RBFOX1: variants seen among roughly 807,000 people sequenced by gnomAD.
The protein encoded by RBFOX1 is RNA binding protein fox-1 homolog 1.
A neutral mutation model predicts 57.7 loss-of-function variants in RBFOX1; 8 were observed. The ratio of observed to expected loss-of-function variants is 0.14; its 90% CI spans 0.08 to 0.25. RBFOX1 has a LOEUF of 0.25. Ranked by LOEUF, RBFOX1 falls within the 10% of genes least tolerant of loss-of-function variation. The pLI, the probability that RBFOX1 is intolerant of heterozygous loss-of-function variation, is 1.00. For missense variants in RBFOX1, 611 were observed against 548.5 expected, an observed-to-expected ratio of 1.11 and a Z score of -1.14; for synonymous variants, 326 against 222.4, an observed-to-expected ratio of 1.47 and a Z score of -4.15.
chr16:7,530,899 C>A (rs78068000), intron 5 of RBFOX1, among the ~76,000 whole-genome samples: 9,205 of 152,142 alleles, frequency 0.061, 485 homozygotes, highest in East Asian at 0.22. Context: ...TCATCACCAC[C>A]CAGAAAATAA....
chr16:6,596,905 A>G (rs879621932), intron 2 of RBFOX1, among the ~76,000 whole-genome samples: 5 of 152,188 alleles, frequency 3.3e-5, no homozygotes, highest in Admixed American at 3.3e-4. Flanking sequence ...CACACCCTTG[A>G]TACATTCATA....
chr16:7,230,509 C>T (rs1463646198), intron 4 of RBFOX1, among the ~76,000 whole-genome samples: 1 of 152,128 alleles, frequency 6.6e-6, no homozygotes. Flanking sequence ...ACCCATCAGG[C>T]ATGATGAAGC....
intron 2 of RBFOX1, among the ~76,000 whole-genome samples, chr16:6,418,703 A>G (rs957103275): frequency 6.6e-6 from 1 of 151,530 alleles, no homozygotes; most frequent in Non-Finnish European, 1.5e-5. Context: ...AAGAAGTAAA[A>G]TTTTTATAGA....
chr16:7,227,957 C>T (rs558962531), intron 4 of RBFOX1, among the ~76,000 whole-genome samples: 1 of 152,306 alleles, frequency 6.6e-6, no homozygotes, highest in Admixed American at 6.5e-5. Flanking sequence ...GTGAGGAGGC[C>T]ACCCTGTGCT....
rs529602708 is a variant in RBFOX1 at position 5,455,464 on chromosome 16, G to T, written c.220-11752G>T. 6.6e-5 allele frequency among the ~76,000 whole-genome samples: 10 copies of T among 152,160 alleles called. No homozygotes were observed. In the South Asian group the frequency reaches 2.1e-3, roughly 32 times the overall value. ...TATCACTCCACCTCTTGATAGGAGG[G>T]GTATCAAATCATTTAGGGTCTTGTT... On this transcript the variant is annotated intron_variant, in intron 1 of 2. Coordinates refer to the RBFOX1 transcript ENST00000585867.
intron 4 of RBFOX1, among the ~76,000 whole-genome samples, chr16:7,249,413 G>A (rs73552735): frequency 0.045 from 6,905 of 152,096 alleles, 544 homozygotes; most frequent in African/African-American, 0.16. Flanking sequence ...GACTTCCAAG[G>A]GCCATAGAAA....
intron 4 of RBFOX1, among the ~76,000 whole-genome samples, chr16:7,106,110 G>C (rs2063544763): frequency 6.6e-6 from 1 of 152,124 alleles, no homozygotes. Context: ...CTTGTCCTTT[G>C]AAACTCCTTT....
intron 4 of RBFOX1, among the ~76,000 whole-genome samples, chr16:7,184,126 G>A (rs1027128019): frequency 6.6e-5 from 10 of 152,202 alleles, no homozygotes; most frequent in Admixed American, 5.2e-4. Context: ...ATCACTGACA[G>A]GAAAGGGCTT....
chr16:6,764,620 A>C (rs1022596255), intron 3 of RBFOX1, among the ~76,000 whole-genome samples: 1 of 152,156 alleles, frequency 6.6e-6, no homozygotes, highest in Non-Finnish European at 1.5e-5. Context: ...TAAACAAAAC[A>C]ATTAGAGATG....
intron 1 of RBFOX1, among the ~76,000 whole-genome samples, chr16:5,447,298 G>A (rs2068272269): frequency 6.6e-6 from 1 of 151,704 alleles, no homozygotes; most frequent in African/African-American, 2.4e-5. Context: ...CACCGTATAA[G>A]CTGTGTGACT....
intron 3 of RBFOX1, among the ~76,000 whole-genome samples, chr16:6,880,196 G>C (rs961345961): frequency 7.2e-6 from 1 of 138,858 alleles, no homozygotes; most frequent in Non-Finnish European, 1.6e-5. Flanking sequence ...ACTCCTTTAA[G>C]GTATAAAAGA....
chr16:5,999,106 G>A (rs564434137), intron 4 of RBFOX1, among the ~76,000 whole-genome samples: 1 of 152,188 alleles, frequency 6.6e-6, no homozygotes, highest in Non-Finnish European at 1.5e-5. Context: ...AGGCTCAGGA[G>A]TCATTAGCAA....
At chr16:6,624,591 C>G (rs572093847) in intron 2 of RBFOX1, among the ~76,000 whole-genome samples, 1 of 152,128 alleles carries the variant, frequency 6.6e-6, no homozygotes. Context: ...TTTTGTAAGA[C>G]TGTACCCTAA....
At position 7,694,989 on chromosome 16, in the gene RBFOX1, A is replaced by C. The variant is rs368433563; in HGVS notation, c.996-14067A>C. ...ATATTGATTTTGCCCCGTGACTTAA[A>C]CCCTGCCTTATAAGCAAGTGATCCA... On this transcript the variant is annotated intron_variant, in intron 14 of 15. Coordinates refer to ENST00000550418, the MANE Select transcript of RBFOX1 (RefSeq NM_018723.4). 3.2e-4 allele frequency among the ~76,000 whole-genome samples: 48 copies of C among 152,204 alleles called. 1 individual carries two copies. The East Asian group carries it at 8.7e-3, about 28-fold the overall frequency.
In RBFOX1 at chr16:6,141,398, C is replaced by G. The variant is rs944368684; in HGVS notation, c.-127+121406C>G. Among the ~76,000 whole-genome samples, 6 of 152,288 alleles carry G rather than the reference C, an allele frequency of 3.9e-5. No homozygotes were observed. In the South Asian group the frequency reaches 1.2e-3, roughly 32 times the overall value. On this transcript the variant is annotated intron_variant, in intron 1 of 15. Coordinates refer to ENST00000550418, the MANE Select transcript of RBFOX1 (RefSeq NM_018723.4). ...TGCTCTCTTAGATTGTCTTTGATTT[C>G]TGCTTGTCGCTTGTCTCCTCCCCCT...
intron 4 of RBFOX1, among the ~76,000 whole-genome samples, chr16:5,942,669 C>A (rs1426477547): frequency 6.6e-6 from 1 of 152,232 alleles, no homozygotes; most frequent in Non-Finnish European, 1.5e-5. Flanking sequence ...TTTTAAAATA[C>A]AAACTACCTT....
At chr16:6,410,169 T>C (rs1348761298) in intron 2 of RBFOX1, among the ~76,000 whole-genome samples, 1 of 4,916 alleles carries the variant, frequency 2.0e-4, no homozygotes, top group East Asian at 3.4e-3. Flanking sequence ...ATCATAAGGC[T>C]GTGTGTGTGT....
chr16:5,425,403 C>T (rs2067528856), intron 1 of RBFOX1, among the ~76,000 whole-genome samples: 1 of 152,156 alleles, frequency 6.6e-6, no homozygotes, highest in South Asian at 2.1e-4. Flanking sequence ...CGCGCCCGGC[C>T]AGCATGTGTG....
chr16:7,561,448 C>G (rs746059564), intron 5 of RBFOX1, among the ~76,000 whole-genome samples: 1 of 152,220 alleles, frequency 6.6e-6, no homozygotes, highest in Non-Finnish European at 1.5e-5. Context: ...ATTTACTCTC[C>G]TTCCCACCTG....
Sources: allele counts gnomAD v4.1 joint callset (sites outside exome capture counted in the v4.1 genomes callset), GRCh38; gene constraint gnomAD v4.1.1; transcripts MANE v1.5; gene names NCBI Gene and HGNC (gene_info 2026-07-23, HGNC 2026-07-21).